Variants in SCNN1G observed in about 807,000 individuals in gnomAD.
SCNN1G encodes the protein sodium channel epithelial 1 subunit gamma.
SCNN1G carries 27 observed loss-of-function variants against 64.6 expected under a neutral mutation model. That is an observed-to-expected ratio of 0.42 (90% confidence interval 0.31 to 0.58). The LOEUF is 0.58. SCNN1G is among the 20% of genes least tolerant of loss of function. The pLI, the probability that SCNN1G is intolerant of heterozygous loss-of-function variation, is 0.18. For missense variants in SCNN1G, 743 were observed against 823.4 expected, an observed-to-expected ratio of 0.90 and a Z score of 1.19; for synonymous variants, 330 against 314.2, an observed-to-expected ratio of 1.05 and a Z score of -0.53.
At chr16:23,194,767 C>T (rs2141933010) in intron 5 of SCNN1G, 3 of 188,252 alleles carry the variant, frequency 1.6e-5, no homozygotes, top group South Asian at 1.1e-4. Flanking sequence ...TAGTATCTCC[C>T]ATGTGAGATT....
rs1019625935 is a variant in SCNN1G at position 23,200,631 on chromosome 16, G to C, written c.1077+3204G>C. On this transcript the variant is annotated intron_variant, in intron 6 of 12. Transcript: ENST00000300061. ...ACCGTCCCTGTCCTGAGAGAGTCTA[G>C]AGTCCAGCAGAGAGGATTGAGTAAT... 3.9e-5 allele frequency among the ~76,000 whole-genome samples: 6 copies of C among 152,198 alleles called. No homozygotes were observed. The East Asian group carries it at 7.7e-4, about 20-fold the overall frequency.
At chr16:23,192,604 T>C in intron 4 of SCNN1G, 62 bp downstream of exon 4, 2 of 1,372,330 alleles carry the variant, frequency 1.5e-6, no homozygotes, top group South Asian at 1.2e-5. Flanking sequence ...ACCAGGCCCC[T>C]TGCAGGAACC....
At chr16:23,200,064 C>T (rs559492110) in intron 6 of SCNN1G, among the ~76,000 whole-genome samples, 1 of 152,222 alleles carries the variant, frequency 6.6e-6, no homozygotes, top group South Asian at 2.1e-4. Context: ...TTATTTAAAT[C>T]CAACCTTAAT....
intron 7 of SCNN1G, among the ~76,000 whole-genome samples, chr16:23,210,675 C>A (rs1960064907): frequency 6.6e-6 from 1 of 152,150 alleles, no homozygotes; most frequent in African/African-American, 2.4e-5. Flanking sequence ...CAGAAACCTT[C>A]AGCACTGAGT....
At chr16:23,200,611 C>A (rs1321528023) in intron 6 of SCNN1G, among the ~76,000 whole-genome samples, 1 of 152,194 alleles carries the variant, frequency 6.6e-6, no homozygotes, top group African/African-American at 2.4e-5. Flanking sequence ...AGGACACCGT[C>A]CCTGTCCTGA....
At chr16:23,189,337 C>G (rs746601775) in intron 2 of SCNN1G, 34 bp from the exon 3 acceptor site, 2 of 1,608,512 alleles carry the variant, frequency 1.2e-6, no homozygotes, top group Admixed American at 1.7e-5. Context: ...GGGCCGCCTC[C>G]CCTCTCCCTG....
chr16:23,186,420 G>C lies in SCNN1G; in HGVS notation c.149G>C (p.Arg50Pro). ...CGCCGCATCGTGGTGTCCCGCGGCC[G>C]TCTGCGCCGCCTCCTCTGGATCGGG... ...GCRRIVVSRG[R>P]LRRLLWIGFT... The change falls in exon 2 of 13, where the codon CGT (arginine) becomes CCT (proline). Residue 50 changes from arginine (R) to proline (P), a missense_variant. Physicochemically the swap from Arg to Pro is moderately radical, Grantham distance 103. Transcript: ENST00000300061. The C allele has an allele frequency of 1.9e-6, 3 of 1,614,220 alleles. No individual in the cohort carries two copies. The highest frequency in any genetic ancestry group is 2.5e-6 in the Non-Finnish European group (3 of 1,180,058).
At position 23,215,735 on chromosome 16, in the gene SCNN1G, G is replaced by C. The variant is rs1042950042; in HGVS notation, c.*266G>C. 3.6e-6 allele frequency: 2 copies of C among 549,254 alleles called. No homozygotes were observed. Among genetic ancestry groups the C allele is most frequent in the African/African-American group, 1.9e-5 (1 of 52,838 alleles). 34.0% of individuals were successfully genotyped at this position (549,254 alleles called of 1,614,324 possible). Reference sequence around the variant, plus strand: ...CTATTAGCACGTCACTAGAGACTGGGAGCCGAGGCAGTGGTGCTGGCCCAA... The same window carrying C: ...CTATTAGCACGTCACTAGAGACTGGCAGCCGAGGCAGTGGTGCTGGCCCAA... On this transcript the variant is annotated 3_prime_UTR_variant, in exon 13 of 13. Transcript: ENST00000300061.
intron 3 of SCNN1G, among the ~76,000 whole-genome samples, chr16:23,191,333 C>A (rs1453886908): frequency 6.6e-6 from 1 of 152,168 alleles, no homozygotes; most frequent in Non-Finnish European, 1.5e-5. Context: ...AAAAATGGAC[C>A]TTCTTCTAAA....
rs1960085117 is a variant in SCNN1G, at chr16:23,211,908, A to C, written c.1177-126A>C. The C allele has an allele frequency of 3.9e-6, 3 of 770,074 alleles. No homozygotes were observed. The Admixed American group carries it at 5.2e-5, about 13-fold the overall frequency. The allele number at this position is 770,074 out of a possible 1,614,324, so 47.7% of individuals were successfully genotyped here. On this transcript the variant is annotated intron_variant, in intron 7 of 12. Coordinates refer to ENST00000300061, the MANE Select transcript of SCNN1G (RefSeq NM_001039.4). ...GACCATGCCCAGCCCAGTTGGCATA[A>C]GGGGCAGGTTCATGTGGTTGGCCAA... is the stretch of plus-strand genomic sequence containing the variant.
intron 6 of SCNN1G, among the ~76,000 whole-genome samples, chr16:23,202,548 C>T (rs932599454): frequency 6.6e-6 from 1 of 152,152 alleles, no homozygotes; most frequent in Non-Finnish European, 1.5e-5. Flanking sequence ...TTTATTTAAG[C>T]TGTGTAGAGA....
chr16:23,214,781 C>T lies in SCNN1G; in HGVS notation c.1563C>T (p.Ala521=), dbSNP rs767735046. ...LNQRSIMESP[A]NSIEMLLSNF... ...AGAGATCCATCATGGAGAGCCCAGC[C>T]AACAGTGTGAGTAGAGTGGCTTCCT... Residue 521 remains alanine, a synonymous_variant, in exon 12 of 13, where the codon GCC becomes GCT. Transcript: ENST00000300061. 8 of 1,613,040 alleles carry T rather than the reference C, an allele frequency of 5.0e-6. No individual in the cohort carries two copies. The East Asian group carries it at 1.6e-4, about 31-fold the overall frequency.
intron 5 of SCNN1G, among the ~76,000 whole-genome samples, chr16:23,194,605 G>A (rs1044353269): frequency 5.3e-4 from 80 of 152,146 alleles, no homozygotes; most frequent in African/African-American, 1.9e-3. Flanking sequence ...AAAGGGAGTT[G>A]AGCCCAGATA....
rs1441885056 is a variant in SCNN1G at position 23,189,470 on chromosome 16, G to A, written c.417G>A (p.Glu139=). 4.3e-6 allele frequency: 7 copies of A among 1,614,094 alleles called. No homozygotes were observed. Among genetic ancestry groups the A allele is most frequent in the Non-Finnish European group, 5.9e-6 (7 of 1,180,034 alleles). The change falls in exon 3 of 13, where the codon GAG becomes GAA. Residue 139 remains glutamate (E), a synonymous_variant. Transcript: ENST00000300061. ...TTCCAGAGTCCCGGAAGCGCCGAGAGGCGGAGTCCTGGAACTCCGTCTCAG... is the reference window on the plus strand; with the variant it reads ...TTCCAGAGTCCCGGAAGCGCCGAGAAGCGGAGTCCTGGAACTCCGTCTCAG... ...YGFPESRKRR[E]AESWNSVSEG...
At chr16:23,192,676 G>C (rs951894008) in intron 4 of SCNN1G, 134 bp downstream of exon 4, 4 of 734,450 alleles carry the variant, frequency 5.4e-6, no homozygotes, top group African/African-American at 1.7e-5. Flanking sequence ...CTGCCTTTTG[G>C]AAACTGCTTA....
chr16:23,205,405 T>G (rs2141940534), intron 6 of SCNN1G, among the ~76,000 whole-genome samples: 1 of 151,990 alleles, frequency 6.6e-6, no homozygotes, highest in East Asian at 1.9e-4. Context: ...AAACAAAACC[T>G]CCTCAATAAT....
At chr16:23,194,091 C>T in intron 4 of SCNN1G, 80 bp from the exon 5 acceptor site, 2 of 905,318 alleles carry the variant, frequency 2.2e-6, no homozygotes, top group Non-Finnish European at 1.9e-6. Flanking sequence ...AGAGAGTTGG[C>T]TCCATTAGCA....
intron 6 of SCNN1G, among the ~76,000 whole-genome samples, chr16:23,200,997 G>A (rs1389333258): frequency 6.6e-6 from 1 of 152,222 alleles, no homozygotes; most frequent in South Asian, 2.1e-4. Context: ...GTTCCAGCAT[G>A]GGAGGGAAGT....
At chr16:23,191,393 G>A (rs1959706176) in intron 3 of SCNN1G, among the ~76,000 whole-genome samples, 1 of 152,064 alleles carries the variant, frequency 6.6e-6, no homozygotes, top group Admixed American at 6.6e-5. Flanking sequence ...ATATCTGCAA[G>A]GCTCTTCTTG....
Sources: gnomAD v4.1 joint callset for allele counts (sites outside exome capture counted in the v4.1 genomes callset) on GRCh38, gnomAD v4.1.1 for gene constraint, MANE v1.5 for transcripts, NCBI Gene and HGNC (gene_info 2026-07-23, HGNC 2026-07-21) for gene names.